The following FBXL7 variants were observed in gnomAD, a reference collection of about 807,000 sequenced individuals.
The protein encoded by FBXL7 is F-box/LRR-repeat protein 7.
In FBXL7, 12 loss-of-function variants were observed where a neutral mutation model predicts 38.3. The ratio of observed to expected loss-of-function variants is 0.31; its 90% CI spans 0.20 to 0.51. The LOEUF is 0.51. Ranked by LOEUF, FBXL7 falls within the 20% of genes least tolerant of loss-of-function variation. FBXL7 has a pLI of 0.98. For missense variants in FBXL7, 567 were observed against 676.4 expected, an observed-to-expected ratio of 0.84 and a Z score of 1.79; for synonymous variants, 297 against 300.9, an observed-to-expected ratio of 0.99 and a Z score of 0.13.
At chr5:15,512,035 A>G (rs1736809146) in intron 1 of FBXL7, among the ~76,000 whole-genome samples, 1 of 152,204 alleles carries the variant, frequency 6.6e-6, no homozygotes, top group African/African-American at 2.4e-5. Flanking sequence ...TTGGGACATT[A>G]AGACAAAGTT....
intron 2 of FBXL7, among the ~76,000 whole-genome samples, chr5:15,783,226 G>T (rs1430748798): frequency 1.3e-5 from 2 of 152,212 alleles, no homozygotes; most frequent in African/African-American, 4.8e-5. Flanking sequence ...GTGAAGACCT[G>T]AGAATGTCAG....
At chr5:15,664,620 C>T (rs1342963474) in intron 2 of FBXL7, among the ~76,000 whole-genome samples, 5 of 151,496 alleles carry the variant, frequency 3.3e-5, no homozygotes, top group African/African-American at 9.7e-5. Context: ...TACAAGCAGG[C>T]GCCACCATGC....
At chr5:15,866,297 T>TG (rs1295037674) in intron 2 of FBXL7, among the ~76,000 whole-genome samples, 1 of 152,236 alleles carries the variant, frequency 6.6e-6, no homozygotes, top group Admixed American at 6.5e-5. Flanking sequence ...AAAATGTTAC[T>TG]GGACCAAGAT....
intron 2 of FBXL7, among the ~76,000 whole-genome samples, chr5:15,788,417 C>T (rs1302250404): frequency 1.3e-5 from 2 of 151,768 alleles, no homozygotes; most frequent in African/African-American, 4.8e-5. Context: ...TGTGGCATTG[C>T]TAAAAAATAA....
chr5:15,904,597 C>CA (rs1466193997), intron 2 of FBXL7, among the ~76,000 whole-genome samples: 5 of 152,052 alleles, frequency 3.3e-5, no homozygotes, highest in Non-Finnish European at 5.9e-5. Flanking sequence ...AAGACACCCA[C>CA]AAAAAACAGT....
chr5:15,809,586 C>T (rs911781715), intron 2 of FBXL7, among the ~76,000 whole-genome samples: 3 of 151,680 alleles, frequency 2.0e-5, no homozygotes, highest in Non-Finnish European at 4.4e-5. Flanking sequence ...AAGAACTAAT[C>T]GTTATTAAAA....
chr5:15,691,926 A>G (rs2126623013), intron 2 of FBXL7, among the ~76,000 whole-genome samples: 1 of 152,276 alleles, frequency 6.6e-6, no homozygotes, highest in South Asian at 2.1e-4. Context: ...AGTTCAGATG[A>G]GAGGTGGCTG....
At chr5:15,826,437 G>T (rs189618847) in intron 2 of FBXL7, among the ~76,000 whole-genome samples, 4 of 152,136 alleles carry the variant, frequency 2.6e-5, no homozygotes, top group African/African-American at 9.6e-5. Context: ...TTATTTTGTT[G>T]AGACAAAGTC....
chr5:15,676,501 T>G (rs1742659934), intron 2 of FBXL7, among the ~76,000 whole-genome samples: 1 of 152,244 alleles, frequency 6.6e-6, no homozygotes, highest in Non-Finnish European at 1.5e-5. Flanking sequence ...TTTTTTAAAA[T>G]CTTACTCAAG....
intron 2 of FBXL7, among the ~76,000 whole-genome samples, chr5:15,706,932 T>C (rs1236949718): frequency 6.6e-6 from 1 of 151,940 alleles, no homozygotes; most frequent in African/African-American, 2.4e-5. Context: ...TGTGTAAAAG[T>C]ACATCTCAGA....
intron 2 of FBXL7, among the ~76,000 whole-genome samples, chr5:15,619,325 C>T (rs1580411676): frequency 6.6e-6 from 1 of 152,246 alleles, no homozygotes; most frequent in African/African-American, 2.4e-5. Flanking sequence ...ATTGTCTCTC[C>T]CTGGTTGCGG....
At chr5:15,551,797 T>C (rs1738081160) in intron 1 of FBXL7, among the ~76,000 whole-genome samples, 1 of 152,226 alleles carries the variant, frequency 6.6e-6, no homozygotes, top group Non-Finnish European at 1.5e-5. Context: ...GCTTTTGATC[T>C]ATCTCTGCTT....
rs148809804 is a variant in FBXL7 at position 15,660,767 on chromosome 5, A to G, written c.127+44695A>G. Among the ~76,000 whole-genome samples the G allele has an allele frequency of 2.0e-4, 31 of 152,308 alleles. No individual in the cohort carries two copies. In the East Asian group the frequency reaches 5.2e-3, roughly 26 times the overall value. ...TGTTAATTTAATGTTATTACTACCT[A>G]CATATTAGCATGAGGTTATATTTAT... On this transcript the variant is annotated intron_variant, in intron 2 of 3. Coordinates refer to ENST00000504595, the MANE Select transcript of FBXL7 (RefSeq NM_012304.5).
At chr5:15,645,152 A>G (rs893257150) in intron 2 of FBXL7, among the ~76,000 whole-genome samples, 2 of 152,264 alleles carry the variant, frequency 1.3e-5, no homozygotes, top group East Asian at 3.9e-4. Flanking sequence ...GCCAACATGT[A>G]TATTCATAAT....
chr5:15,530,637 A>C (rs1021755015), intron 1 of FBXL7, among the ~76,000 whole-genome samples: 13 of 152,200 alleles, frequency 8.5e-5, no homozygotes, highest in Admixed American at 4.6e-4. Flanking sequence ...TTGTAGTGAA[A>C]AAACAGATTA....
intron 1 of FBXL7, among the ~76,000 whole-genome samples, chr5:15,543,593 C>T (rs1435852113): frequency 6.6e-6 from 1 of 152,138 alleles, no homozygotes; most frequent in Non-Finnish European, 1.5e-5. Context: ...AAATTATGCA[C>T]TCAAATTTGT....
chr5:15,698,312 C>G (rs1489598780), intron 2 of FBXL7, among the ~76,000 whole-genome samples: 1 of 152,124 alleles, frequency 6.6e-6, no homozygotes, highest in African/African-American at 2.4e-5. Flanking sequence ...ATCTTTAACC[C>G]TGAGTTTACT....
At chr5:15,798,428 A>T (rs1242626644) in intron 2 of FBXL7, among the ~76,000 whole-genome samples, 1 of 152,208 alleles carries the variant, frequency 6.6e-6, no homozygotes, top group African/African-American at 2.4e-5. Flanking sequence ...GTTCTTCCAC[A>T]TCGTTCTGAA....
chr5:15,857,587 T>A (rs1739308420), intron 2 of FBXL7, among the ~76,000 whole-genome samples: 1 of 152,148 alleles, frequency 6.6e-6, no homozygotes, highest in Admixed American at 6.5e-5. Flanking sequence ...CTAGTGAAGT[T>A]CACTAAAATG....
Sources: gnomAD v4.1 joint callset for allele counts (sites outside exome capture counted in the v4.1 genomes callset) on GRCh38, gnomAD v4.1.1 for gene constraint, MANE v1.5 for transcripts, NCBI Gene and HGNC (gene_info 2026-07-23, HGNC 2026-07-21) for gene names.